Variants in VSTM2A observed in about 807,000 individuals in gnomAD.
The protein encoded by VSTM2A is V-set and transmembrane domain containing 2A.
In VSTM2A, 13 loss-of-function variants were observed where a neutral mutation model predicts 27.3. The observed-to-expected ratio is 0.48, with a 90% CI of 0.31 to 0.76. The LOEUF is 0.76. Among genes scored for constraint, VSTM2A ranks in the 30% least tolerant of loss-of-function variants. VSTM2A has a pLI of 0.05. For missense variants in VSTM2A, 280 were observed against 310.0 expected (o/e 0.90, Z 0.73); for synonymous variants, 142 against 125.7 (o/e 1.13, Z -0.87).
At chr7:54,568,327 A>G (rs1245317687) in intron 4 of VSTM2A, among the ~76,000 whole-genome samples, 1 of 152,198 alleles carries the variant, frequency 6.6e-6, no homozygotes, top group Non-Finnish European at 1.5e-5. Context: ...TTAAAAATGA[A>G]AGAAGGTAAT....
intron 3 of VSTM2A, among the ~76,000 whole-genome samples, chr7:54,548,823 T>C (rs1241609519): frequency 1.3e-5 from 2 of 152,070 alleles, no homozygotes; most frequent in African/African-American, 4.8e-5. Context: ...TAGTAATTTA[T>C]GGCCGTTTGA....
intron 4 of VSTM2A, among the ~76,000 whole-genome samples, chr7:54,561,729 G>A (rs904314945): frequency 6.6e-5 from 10 of 152,034 alleles, no homozygotes; most frequent in African/African-American, 2.4e-4. Context: ...TAAGGAAAAG[G>A]GTAAGGCCAC....
At chr7:54,560,810 AC>A (rs1788536081) in intron 4 of VSTM2A, among the ~76,000 whole-genome samples, 1 of 152,320 alleles carries the variant, frequency 6.6e-6, no homozygotes, top group African/African-American at 2.4e-5. Context: ...TATTATCTTC[AC>A]AGACAAACAT....
At position 54,570,411 on chromosome 7, in the gene VSTM2A, C is replaced by T. The variant is rs1297915865; in HGVS notation, c.*1192C>T. On this transcript the variant is annotated 3_prime_UTR_variant, in exon 5 of 5. Coordinates refer to ENST00000402613, the MANE Select transcript of VSTM2A (RefSeq NM_001301009.2). ...GGTTAAAAATGCTGCTTCCTTTGACCTTTATGAATTTCTGTACCTTTGTCA... is the reference window on the plus strand; with the variant it reads ...GGTTAAAAATGCTGCTTCCTTTGACTTTTATGAATTTCTGTACCTTTGTCA... 6.6e-6 allele frequency: 1 copy of T among 152,080 alleles called. No homozygotes were observed. Among genetic ancestry groups the T allele is most frequent in the Non-Finnish European group, 1.5e-5 (1 of 67,980 alleles). The allele number at this position is 152,080 out of a possible 1,614,324, so 9.4% of individuals were successfully genotyped here. A position where few individuals can be genotyped will look rare whatever the true frequency, so the allele number is the denominator to read the frequency against.
intron 2 of VSTM2A, chr7:54,546,713 C>T (rs1788002712): frequency 2.0e-6 from 1 of 507,080 alleles, no homozygotes; most frequent in East Asian, 3.6e-5. Flanking sequence ...CGGGACAGCC[C>T]CGGGGAAAGC....
intron 2 of VSTM2A, among the ~76,000 whole-genome samples, chr7:54,545,569 A>C (rs1787923686): frequency 3.1e-5 from 2 of 63,514 alleles, no homozygotes; most frequent in African/African-American, 6.7e-5. Flanking sequence ...GAAGAGGGGG[A>C]GAGGGAGAAA....
chr7:54,543,760 G>C (rs1403725483), intron 1 of VSTM2A, among the ~76,000 whole-genome samples: 1 of 152,166 alleles, frequency 6.6e-6, no homozygotes, highest in East Asian at 1.9e-4. Flanking sequence ...TCTTTGCAAA[G>C]TGCCCCTTAG....
At chr7:54,561,136 A>C (rs1213812728) in intron 4 of VSTM2A, among the ~76,000 whole-genome samples, 1 of 152,224 alleles carries the variant, frequency 6.6e-6, no homozygotes, top group Non-Finnish European at 1.5e-5. Context: ...AGAAAAAAAA[A>C]GTTTAGAATT....
rs2115856164 is a variant in VSTM2A, at chr7:54,555,569, G to C, written c.634+5399G>C. On this transcript the variant is annotated intron_variant, in intron 4 of 4. Coordinates refer to ENST00000402613, the MANE Select transcript of VSTM2A (RefSeq NM_001301009.2). The stretch of plus-strand genomic sequence containing the variant: ...GAATTGGTTACTCATCAAGTTCTCA[G>C]CAATTTGTTTATACTTACTTTGAAG... Among the ~76,000 whole-genome samples the C allele has an allele frequency of 1.3e-5, 2 of 152,238 alleles. 1 individual carries two copies. Among genetic ancestry groups the C allele is most frequent in the South Asian group, 4.1e-4 (2 of 4,824 alleles).
At chr7:54,554,144 C>T (rs1294616986) in intron 4 of VSTM2A, 14 of 1,532,432 alleles carry the variant, frequency 9.1e-6, no homozygotes, top group Non-Finnish European at 1.1e-5. Flanking sequence ...CTTCCAATTC[C>T]CCACCCTCTC....
intron 1 of VSTM2A, 43 bp from the exon 2 acceptor site, chr7:54,544,579 G>C (rs372393509): frequency 6.2e-7 from 1 of 1,611,832 alleles, no homozygotes; most frequent in African/African-American, 1.3e-5. Context: ...ACTCAGGCAA[G>C]AGGGGTGTGG....
intron 4 of VSTM2A, chr7:54,554,002 T>C: frequency 6.4e-7 from 1 of 1,553,306 alleles, no homozygotes. Flanking sequence ...GTGAAGCGGC[T>C]TCCTGCTCCT....
rs530154485 is a variant in VSTM2A at position 54,570,003 on chromosome 7, A to C, written c.*784A>C. On this transcript the variant is annotated 3_prime_UTR_variant, in exon 5 of 5. Transcript: ENST00000402613. ...AGCATTTGTTTTTCGTTGATAATTC[A>C]TACACTGCGTGAATTTTGTAATTCA... is the stretch of plus-strand genomic sequence containing the variant. 2 of 152,154 alleles carry C rather than the reference A, an allele frequency of 1.3e-5. No homozygotes were observed. Among genetic ancestry groups the C allele is most frequent in the Non-Finnish European group, 2.9e-5 (2 of 68,028 alleles). The allele number at this position is 152,154 out of a possible 1,614,324, so 9.4% of individuals were successfully genotyped here. A position where few individuals can be genotyped will look rare whatever the true frequency, so the allele number is the denominator to read the frequency against.
chr7:54,562,839 A>G (rs1188494594), intron 4 of VSTM2A, among the ~76,000 whole-genome samples: 1 of 152,254 alleles, frequency 6.6e-6, no homozygotes, highest in Non-Finnish European at 1.5e-5. Flanking sequence ...ATTTGTGATT[A>G]TTCAAATAAA....
intron 2 of VSTM2A, 100 bp from the exon 3 acceptor site, chr7:54,546,847 C>CT: frequency 2.0e-6 from 3 of 1,515,938 alleles, no homozygotes; most frequent in African/African-American, 1.4e-5. Flanking sequence ...CCCCAGGTCA[C>CT]CCTGACGGCC....
At position 54,546,938 on chromosome 7, in the gene VSTM2A, T is replaced by A; in HGVS notation, c.247-9T>A. ...GGCGCGGGACTGAGCGTTCGCTCCTTGCCCGCAGGTGGAGCTCTTGCCCGA... is the reference window on the plus strand; with the variant it reads ...GGCGCGGGACTGAGCGTTCGCTCCTAGCCCGCAGGTGGAGCTCTTGCCCGA... On this transcript the variant is annotated splice_polypyrimidine_tract_variant and intron_variant, in intron 2 of 4. Coordinates refer to ENST00000402613, the MANE Select transcript of VSTM2A (RefSeq NM_001301009.2). 6.3e-7 allele frequency: 1 copy of A among 1,598,284 alleles called. No individual in the cohort carries two copies. Among genetic ancestry groups the A allele is most frequent in the Non-Finnish European group, 8.5e-7 (1 of 1,174,560 alleles).
intron 2 of VSTM2A, among the ~76,000 whole-genome samples, chr7:54,545,331 G>A (rs932236484): frequency 6.7e-6 from 1 of 150,234 alleles, no homozygotes; most frequent in Non-Finnish European, 1.5e-5. Flanking sequence ...ATGGAGGAGG[G>A]AGAGAAGGAG....
At chr7:54,556,888 GTTCCTCTGTAA>G (rs1215319156) in intron 4 of VSTM2A, 5 of 152,176 alleles carry the variant, frequency 3.3e-5, no homozygotes, top group African/African-American at 1.2e-4. Flanking sequence ...GTGACTACTA[GTTCCTCTGTAA>G]TTAAGAAGAC....
rs548214887 is a variant in VSTM2A, at chr7:54,569,272, C to T, written c.*53C>T. 30 of 1,546,406 alleles carry T rather than the reference C, an allele frequency of 1.9e-5. No individual in the cohort carries two copies. The African/African-American group carries it at 3.7e-4, about 19-fold the overall frequency. ...GGAAGCATAAATGAAGAGGCTATCA[C>T]ATGCTTTGTTGATCATATTTTCTTT... On this transcript the variant is annotated 3_prime_UTR_variant, in exon 5 of 5. Coordinates refer to ENST00000402613, the MANE Select transcript of VSTM2A (RefSeq NM_001301009.2).
Sources: allele counts gnomAD v4.1 joint callset (sites outside exome capture counted in the v4.1 genomes callset), GRCh38; gene constraint gnomAD v4.1.1; transcripts MANE v1.5; gene names NCBI Gene and HGNC (gene_info 2026-07-23, HGNC 2026-07-21).